Variants in PLCH1 observed in about 807,000 individuals in gnomAD.
PLCH1 encodes the protein 1-phosphatidylinositol 4,5-bisphosphate phosphodiesterase eta-1.
In PLCH1, 60 loss-of-function variants were observed where a neutral mutation model predicts 126.7. The ratio of observed to expected loss-of-function variants is 0.47; its 90% confidence interval spans 0.38 to 0.59. The LOEUF is 0.59. Ranked by LOEUF, PLCH1 falls within the 20% of genes least tolerant of loss-of-function variation. The pLI is 0.00. For missense variants in PLCH1, 1,723 were observed against 2,040.0 expected, an observed-to-expected ratio of 0.84 and a Z score of 2.99; for synonymous variants, 719 against 734.9, an observed-to-expected ratio of 0.98 and a Z score of 0.35.
intron 21 of PLCH1, among the ~76,000 whole-genome samples, chr3:155,468,820 G>A (rs920193998): frequency 2.0e-5 from 3 of 152,156 alleles, no homozygotes; most frequent in African/African-American, 4.8e-5. Flanking sequence ...TACAATAGTA[G>A]TGGGAGACAT....
intron 2 of PLCH1, among the ~76,000 whole-genome samples, chr3:155,696,024 G>A (rs749258159): frequency 1.3e-5 from 2 of 152,164 alleles, no homozygotes; most frequent in Non-Finnish European, 2.9e-5. Context: ...CCATCAGGTA[G>A]GCAGATGGAC....
At chr3:155,640,619 A>G (rs970065135) in intron 2 of PLCH1, among the ~76,000 whole-genome samples, 8 of 152,168 alleles carry the variant, frequency 5.3e-5, no homozygotes, top group African/African-American at 1.9e-4. Flanking sequence ...TACTAGCATA[A>G]TTTAAATACA....
At chr3:155,531,582 G>A (rs76123837) in intron 10 of PLCH1, among the ~76,000 whole-genome samples, 4,668 of 152,250 alleles carry the variant, frequency 0.031, 441 homozygotes, top group East Asian at 0.29. Context: ...CCAAGATGGC[G>A]CCACTGCACT....
At chr3:155,562,771 G>A (rs893897774) in intron 8 of PLCH1, among the ~76,000 whole-genome samples, 1 of 152,110 alleles carries the variant, frequency 6.6e-6, no homozygotes, top group African/African-American at 2.4e-5. Context: ...TGAGAAAACA[G>A]GCATGCGCCC....
rs548552580 is a variant in PLCH1, at chr3:155,572,340, C to T, written c.772-4016G>A. Among the ~76,000 whole-genome samples the T allele has an allele frequency of 9.2e-5, 14 of 152,318 alleles. No homozygotes were observed. The South Asian group carries it at 2.3e-3, about 25-fold the overall frequency. The stretch of plus-strand genomic sequence containing the variant: ...ATTCTAGGTTGAATCATTGCTCTCA[C>T]GATTTTTGGCTTCCAGAACTGCTGT... On this transcript the variant is annotated intron_variant, in intron 6 of 22. Transcript: ENST00000460012.
chr3:155,483,431 A>C (rs1714507137), intron 22 of PLCH1: 2 of 1,283,114 alleles, frequency 1.6e-6, no homozygotes, highest in Admixed American at 4.7e-5. Flanking sequence ...TAAACAAAGC[A>C]TTGTGGTACC....
chr3:155,497,274 C>T, intron 15 of PLCH1, 46 bp downstream of exon 15: 1 of 1,278,876 alleles, frequency 7.8e-7, no homozygotes, highest in Non-Finnish European at 1.1e-6. Flanking sequence ...AAAGAAAGGT[C>T]AAGAATGTTT....
intron 2 of PLCH1, among the ~76,000 whole-genome samples, chr3:155,606,119 G>A (rs1275561155): frequency 7.2e-5 from 11 of 152,094 alleles, no homozygotes; most frequent in East Asian, 3.9e-4. Flanking sequence ...AAAGCTATAC[G>A]TATATTCAAA....
Position 155,512,020 on chromosome 3 carries a change from A to C in PLCH1, c.1632+2703T>G, listed in dbSNP as rs192596037. On this transcript the variant is annotated intron_variant, in intron 12 of 22. Coordinates refer to ENST00000460012, the MANE Select transcript of PLCH1 (RefSeq NM_014996.4). ...ATCAGCGAGATTCCGTGGGCGTAGG[A>C]CCCTCTGAGCCAGGTGTGGGATATA... Among the ~76,000 whole-genome samples the C allele has an allele frequency of 6.0e-3, 904 of 150,442 alleles. 9 individuals are homozygous for C. Among genetic ancestry groups the C allele is most frequent in the African/African-American group, 0.021 (841 of 40,794 alleles).
At position 155,698,148 on chromosome 3, in the gene PLCH1, G is replaced by A. The variant is rs1745977025; in HGVS notation, c.79+5998C>T. On this transcript the variant is annotated intron_variant, in intron 2 of 22. Transcript: ENST00000460012. The stretch of plus-strand genomic sequence containing the variant: ...GAACCTATCCAAGATGCTACAATGG[G>A]ACAAAGTATTTTCTGAAGCATTCAC... Among the ~76,000 whole-genome samples, 3 of 152,112 alleles carry A rather than the reference G, an allele frequency of 2.0e-5. No individual in the cohort carries two copies. The South Asian group carries it at 6.2e-4, about 32-fold the overall frequency.
intron 17 of PLCH1, 139 bp from the exon 18 acceptor site, chr3:155,492,992 T>C (rs973639241): frequency 4.1e-6 from 3 of 738,112 alleles, no homozygotes; most frequent in South Asian, 8.1e-5. Context: ...GTGGCATAGC[T>C]GTGGTTTTCA....
At chr3:155,565,451 A>G (rs1337503784) in intron 7 of PLCH1, among the ~76,000 whole-genome samples, 1 of 151,814 alleles carries the variant, frequency 6.6e-6, no homozygotes, top group Non-Finnish European at 1.5e-5. Flanking sequence ...TGTTTGTTTA[A>G]AAGTATATGG....
chr3:155,684,111 A>G (rs1744742885), intron 2 of PLCH1, among the ~76,000 whole-genome samples: 1 of 152,214 alleles, frequency 6.6e-6, no homozygotes, highest in Non-Finnish European at 1.5e-5. Flanking sequence ...ACTTACAGCC[A>G]ATCAAATAGG....
chr3:155,718,823 T>C (rs1255285057), intron 1 of PLCH1, among the ~76,000 whole-genome samples: 1 of 152,170 alleles, frequency 6.6e-6, no homozygotes, highest in East Asian at 1.9e-4. Context: ...ATTCAAACTA[T>C]ATCATCTTGT....
intron 1 of PLCH1, chr3:155,743,060 G>C (rs1749733663): frequency 7.0e-6 from 2 of 286,630 alleles, no homozygotes; most frequent in East Asian, 2.7e-4. Flanking sequence ...ATAGCAACTA[G>C]GTACCAATCA....
Position 155,493,577 on chromosome 3 carries a change from C to T in PLCH1, c.2182+564G>A, listed in dbSNP as rs58024453. 3.9e-3 allele frequency among the ~76,000 whole-genome samples: 588 copies of T among 152,112 alleles called. 5 individuals are homozygous for T. The highest frequency in any genetic ancestry group is 0.014 in the African/African-American group (563 of 41,518). On this transcript the variant is annotated intron_variant, in intron 17 of 22. Transcript: ENST00000460012. ...TAATTCTGATTTTCAGTAGAGACGG[C>T]GTTTTACCATGTTGGCCAGGCTGGT...
At position 155,537,202 on chromosome 3, in the gene PLCH1, C is replaced by CAAAAAAAAAAAAAAAA. The variant is rs535908017; in HGVS notation, c.1362+12569_1362+12584dup. Among the ~76,000 whole-genome samples, 64 of 10,372 alleles carry CAAAAAAAAAAAAAAAA rather than the reference C, an allele frequency of 6.2e-3. 2 individuals are homozygous for CAAAAAAAAAAAAAAAA. The highest frequency in any genetic ancestry group is 0.012 in the East Asian group (10 of 838). 6.8% of individuals were successfully genotyped at this position (10,372 alleles called of 152,430 possible). A position where few individuals can be genotyped will look rare whatever the true frequency, so the allele number is the denominator to read the frequency against. On this transcript the variant is annotated intron_variant, in intron 10 of 22. Coordinates refer to ENST00000460012, the MANE Select transcript of PLCH1 (RefSeq NM_014996.4). ...CTAGCACTACAAAAAAAAAAAAAAC[C>CAAAAAAAAAAAAAAAA]AAAAAAAAAAAAAAAAAAAAAAAAA...
chr3:155,655,373 T>C (rs2108912942), intron 2 of PLCH1, among the ~76,000 whole-genome samples: 1 of 151,630 alleles, frequency 6.6e-6, no homozygotes, highest in Middle Eastern at 3.4e-3. Flanking sequence ...TGAGGCTGCA[T>C]GATTGCCATG....
intron 2 of PLCH1, among the ~76,000 whole-genome samples, chr3:155,631,912 T>C (rs1738076572): frequency 6.6e-6 from 1 of 152,082 alleles, no homozygotes; most frequent in Non-Finnish European, 1.5e-5. Flanking sequence ...CTTTTTTTTT[T>C]TTTTTTTGTC....
Sources: allele counts gnomAD v4.1 joint callset (sites outside exome capture counted in the v4.1 genomes callset), GRCh38; gene constraint gnomAD v4.1.1; transcripts MANE v1.5; gene names NCBI Gene and HGNC (gene_info 2026-07-23, HGNC 2026-07-21).